Variants in IRGQ observed in about 807,000 individuals in gnomAD.
IRGQ encodes immunity-related GTPase family Q protein.
In IRGQ, 5 loss-of-function variants were observed where a neutral mutation model predicts 10.5. The ratio of observed to expected loss-of-function variants is 0.48; its 90% confidence interval spans 0.25 to 1.00. IRGQ has a LOEUF of 1.00. IRGQ is among the 50% of genes least tolerant of loss of function. IRGQ has a pLI of 0.16. For synonymous variants in IRGQ, 418 were observed against 426.0 expected (o/e 0.98, Z 0.23); for missense variants, 792 against 877.7 (o/e 0.90, Z 1.23).
chr19:43,594,686 T>A (rs535106709), intron 2 of IRGQ, 123 bp downstream of exon 2: 377 of 636,074 alleles, frequency 5.9e-4, no homozygotes, highest in East Asian at 3.3e-3. Flanking sequence ...AAAAAAAAAA[T>A]AATAATAATA....
At position 43,593,151 on chromosome 19, in the gene IRGQ, G is replaced by A; in HGVS notation, c.747C>T (p.Asp249=). The change falls in exon 3 of 3, where the codon GAC becomes GAT. Residue 249 remains aspartate, a synonymous_variant. Transcript: ENST00000422989. The surrounding 1 kb of genome is among the most constrained non-coding windows in gnomAD (Gnocchi z 6.4). ...GGACCGAAGCAGGCGCAGCGCCTGG[G>A]TCGCCAGGATCCAATCCAAGCAGCA... is the stretch of plus-strand genomic sequence containing the variant. ...VDMLLGLDPG[D]PGAAPASVPT... 2 of 1,557,250 alleles carry A rather than the reference G, an allele frequency of 1.3e-6. No homozygotes were observed. The highest frequency in any genetic ancestry group is 1.7e-6 in the Non-Finnish European group (2 of 1,148,866).
In IRGQ at chr19:43,585,888, C is replaced by T. The variant is rs1174278178; in HGVS notation, c.*6138G>A. The T allele has an allele frequency of 6.6e-6, 1 of 152,180 alleles. No individual in the cohort carries two copies. The highest frequency in any genetic ancestry group is 1.9e-4 in the East Asian group (1 of 5,192). 9.4% of individuals were successfully genotyped at this position (152,180 alleles called of 1,614,324 possible). On this transcript the variant is annotated 3_prime_UTR_variant, in exon 3 of 3. Transcript: ENST00000422989. ...TCTAGGTTTCCAGCCCAGTCAAAAT[C>T]TCAAGGATCTTTCTTTTCCCTCAAA...
rs758940499 is a variant in IRGQ, at chr19:43,593,011, T to C, written c.887A>G (p.His296Arg). Residue 296 changes from histidine to arginine, a missense_variant, in exon 3 of 3, where the codon CAC becomes CGC. Coordinates refer to ENST00000422989, the MANE Select transcript of IRGQ (RefSeq NM_001007561.3). This position sits in a 1 kb window ranked among gnomAD's most constrained non-coding sequence, Gnocchi z 6.4. ...TTAAAASHPTHYDALILVTPG... is the reference protein window; with the variant it reads ...TTAAAASHPTRYDALILVTPG... ...GGTGACGAGGATGAGGGCGTCGTAG[T>C]GCGTTGGGTGAGAGGCGGCGGCCGC... 5.0e-6 allele frequency: 8 copies of C among 1,606,598 alleles called. No homozygotes were observed. Among genetic ancestry groups the C allele is most frequent in the Non-Finnish European group, 6.8e-6 (8 of 1,177,110 alleles).
At position 43,592,940 on chromosome 19, in the gene IRGQ, G is replaced by A; in HGVS notation, c.958C>T (p.Leu320=). Residue 320 remains leucine (L), a synonymous_variant, in exon 3 of 3, where the codon CTG becomes TTG. Coordinates refer to ENST00000422989, the MANE Select transcript of IRGQ (RefSeq NM_001007561.3). ...CAGACAAGAGGCGCATCTGGTAGCA[G>A]CAAGGCCTGGACCTGGGCCCAGTCC... ...EKDWAQVQAL[L]LPDAPLVCVR... 6.2e-7 allele frequency: 1 copy of A among 1,610,724 alleles called. No individual in the cohort carries two copies. The highest frequency in any genetic ancestry group is 2.2e-5 in the East Asian group (1 of 44,858).
At chr19:43,594,767 A>G (rs1469897940) in intron 2 of IRGQ, 42 bp downstream of exon 2, 1 of 1,548,960 alleles carries the variant, frequency 6.5e-7, no homozygotes, top group East Asian at 2.3e-5. Flanking sequence ...CTAGGTGCCT[A>G]GGGTCTCGAC....
In IRGQ at chr19:43,593,254, G is replaced by A. The variant is rs757529047; in HGVS notation, c.644C>T (p.Ser215Leu). 3.1e-6 allele frequency: 5 copies of A among 1,599,826 alleles called. No individual in the cohort carries two copies. Among genetic ancestry groups the A allele is most frequent in the Non-Finnish European group, 3.4e-6 (4 of 1,172,490 alleles). The part of the protein sequence containing the change: ...GLEAALSWVR[S>L]GLERLGSARL... ...TGCGCTGCCCAGGCGCTCCAGGCCTGAGCGCACCCACGACAGCGCAGCCTC... is the reference window on the plus strand; with the variant it reads ...TGCGCTGCCCAGGCGCTCCAGGCCTAAGCGCACCCACGACAGCGCAGCCTC... Residue 215 changes from serine to leucine, a missense_variant, in exon 3 of 3, where the codon TCA becomes TTA. Coordinates refer to ENST00000422989, the MANE Select transcript of IRGQ (RefSeq NM_001007561.3). This position sits in a 1 kb window ranked among gnomAD's most constrained non-coding sequence, Gnocchi z 6.4.
chr19:43,590,759 GAC>G lies in IRGQ; in HGVS notation c.*1265_*1266del, dbSNP rs1973045456. The stretch of plus-strand genomic sequence containing the variant: ...AAGATAGAAACTCCTAAAGAAAAGA[GAC>G]AGAGAAACAGACTCCCCAGAGATCA... On this transcript the variant is annotated 3_prime_UTR_variant, in exon 3 of 3. Coordinates refer to ENST00000422989, the MANE Select transcript of IRGQ (RefSeq NM_001007561.3). 1.3e-5 allele frequency: 2 copies of G among 152,348 alleles called. No homozygotes were observed. Among genetic ancestry groups the G allele is most frequent in the East Asian group, 3.9e-4 (2 of 5,178 alleles). The allele number at this position is 152,348 out of a possible 1,614,324, so 9.4% of individuals were successfully genotyped here.
Position 43,590,122 on chromosome 19 carries a change from G to C in IRGQ, c.*1904C>G, listed in dbSNP as rs1193100005. ...TAAACTACAAAAATTAGCCAGGTGT[G>C]GTGGCACATGCCTGTCATCTCAGCT... On this transcript the variant is annotated 3_prime_UTR_variant, in exon 3 of 3. Coordinates refer to ENST00000422989, the MANE Select transcript of IRGQ (RefSeq NM_001007561.3). 1 of 152,174 alleles carries C rather than the reference G, an allele frequency of 6.6e-6. No homozygotes were observed. Among genetic ancestry groups the C allele is most frequent in the African/African-American group, 2.4e-5 (1 of 41,410 alleles). 9.4% of individuals were successfully genotyped at this position (152,174 alleles called of 1,614,324 possible).
rs1973062150 is a variant in IRGQ, at chr19:43,592,037, GCTCAGGGGGTGCCAGCACAGC to G, written c.1840_1860del (p.Ala614_Glu620del). The G allele has an allele frequency of 1.2e-6, 2 of 1,601,702 alleles. No individual in the cohort carries two copies. Among genetic ancestry groups the G allele is most frequent in the Admixed American group, 1.7e-5 (1 of 59,366 alleles). On this transcript the variant is annotated inframe_deletion, in exon 3 of 3. Transcript: ENST00000422989. ...CCCCCTCCCACTCCTCACTGGGCAGGCTCAGGGGGTGCCAGCACAGCCTCAGCATCAGCCCGCATCTCATCG... is the reference window on the plus strand; with the variant it reads ...CCCCCTCCCACTCCTCACTGGGCAGGCTCAGCATCAGCCCGCATCTCATCG...
chr19:43,593,340 G>A lies in IRGQ; in HGVS notation c.558C>T (p.Phe186=), dbSNP rs759781908. ...RRLLPPAQDG[F]EVLGAAELEA... ...CTAGCTCTGCTGCACCCAACACCTC[G>A]AAGCCATCCTGCGCCGGTGGCAGGA... is the stretch of plus-strand genomic sequence containing the variant. The change falls in exon 3 of 3, where the codon TTC becomes TTT. Residue 186 remains phenylalanine, a synonymous_variant. Transcript: ENST00000422989. The surrounding 1 kb of genome is among the most constrained non-coding windows in gnomAD (Gnocchi z 6.4). 1 of 1,525,846 alleles carries A rather than the reference G, an allele frequency of 6.6e-7. No individual in the cohort carries two copies. Among genetic ancestry groups the A allele is most frequent in the Non-Finnish European group, 8.8e-7 (1 of 1,136,070 alleles). 94.5% of individuals were successfully genotyped at this position (1,525,846 alleles called of 1,614,324 possible). A position where few individuals can be genotyped will look rare whatever the true frequency, so the allele number is the denominator to read the frequency against.
Position 43,585,956 on chromosome 19 carries a change from A to G in IRGQ, c.*6070T>C, listed in dbSNP as rs1311433075. 1 of 152,098 alleles carries G rather than the reference A, an allele frequency of 6.6e-6. No homozygotes were observed. The highest frequency in any genetic ancestry group is 1.5e-5 in the Non-Finnish European group (1 of 68,020). The allele number at this position is 152,098 out of a possible 1,614,324, so 9.4% of individuals were successfully genotyped here. On this transcript the variant is annotated 3_prime_UTR_variant, in exon 3 of 3. Coordinates refer to ENST00000422989, the MANE Select transcript of IRGQ (RefSeq NM_001007561.3). ...CGCAATAGGATTTCTATTCATTTTT[A>G]TTCATTCCTCCAAAGAGCACCACAG...
At chr19:43,594,408 T>C (rs1217089435) in intron 2 of IRGQ, among the ~76,000 whole-genome samples, 2 of 152,126 alleles carry the variant, frequency 1.3e-5, no homozygotes, top group Admixed American at 1.3e-4. Context: ...TGAGATGCTG[T>C]TTTGCAGCCT....
rs757597704 is a variant in IRGQ at position 43,592,899 on chromosome 19, G to A, written c.999C>T (p.Gly333=). The change falls in exon 3 of 3, where the codon GGC becomes GGT. Residue 333 remains glycine, a synonymous_variant. Coordinates refer to ENST00000422989, the MANE Select transcript of IRGQ (RefSeq NM_001007561.3). The part of the protein sequence containing the change: ...DAPLVCVRTD[G]EGEDPECLGE... ...CCAGACACTCCGGATCCTCGCCCTC[G>A]CCGTCTGTGCGCACGCAGACAAGAG... 1.8e-5 allele frequency: 29 copies of A among 1,612,728 alleles called. No homozygotes were observed. The highest frequency in any genetic ancestry group is 1.6e-4 in the East Asian group (7 of 44,884).
rs748112584 is a variant in IRGQ at position 43,592,265 on chromosome 19, C to G, written c.1633G>C (p.Ala545Pro). The change falls in exon 3 of 3, where the codon GCT (alanine) becomes CCT (proline). Residue 545 changes from alanine to proline, a missense_variant. By Grantham distance (27) the Ala-to-Pro change is conservative. Coordinates refer to ENST00000422989, the MANE Select transcript of IRGQ (RefSeq NM_001007561.3). ...GLASGELAAR[A>P]HFPGPVTRAE... ...CGCGTCACCGGGCCTGGGAAATGAG[C>G]GCGCGCTGCCAGCTCTCCAGAAGCC... The G allele has an allele frequency of 6.4e-7, 1 of 1,574,706 alleles. No homozygotes were observed. Among genetic ancestry groups the G allele is most frequent in the African/African-American group, 1.3e-5 (1 of 74,140 alleles).
Position 43,592,505 on chromosome 19 carries a change from C to A in IRGQ, c.1393G>T (p.Ala465Ser). ...AGALLLALPP[A>S]SPSAARTKAA... Reference sequence around the variant, plus strand: ...TTGGTTCGGGCAGCGCTGGGAGATGCTGGTGGCAACGCCAGCAGCAGTGCC... The same window carrying A: ...TTGGTTCGGGCAGCGCTGGGAGATGATGGTGGCAACGCCAGCAGCAGTGCC... Residue 465 changes from alanine (A) to serine (S), a missense_variant, in exon 3 of 3, where the codon GCA becomes TCA. Physicochemically the swap from Ala to Ser is moderately conservative, Grantham distance 99 (BLOSUM62 1). Transcript: ENST00000422989. 1 of 1,595,038 alleles carries A rather than the reference C, an allele frequency of 6.3e-7. No homozygotes were observed.
chr19:43,591,884 G>A lies in IRGQ; in HGVS notation c.*142C>T. On this transcript the variant is annotated 3_prime_UTR_variant, in exon 3 of 3. Transcript: ENST00000422989. Reference sequence around the variant, plus strand: ...AAAAAAAAAAAAAATCAGGATTCCTGTCCCCCAGACTCTCTGAATCCAGGT... The same window carrying A: ...AAAAAAAAAAAAAATCAGGATTCCTATCCCCCAGACTCTCTGAATCCAGGT... The A allele has an allele frequency of 1.6e-6, 1 of 627,188 alleles. No individual in the cohort carries two copies. Among genetic ancestry groups the A allele is most frequent in the Non-Finnish European group, 2.5e-6 (1 of 399,076 alleles). The allele number at this position is 627,188 out of a possible 1,614,324, so 38.9% of individuals were successfully genotyped here. A position where few individuals can be genotyped will look rare whatever the true frequency, so the allele number is the denominator to read the frequency against.
Position 43,592,845 on chromosome 19 carries a change from G to A in IRGQ, c.1053C>T (p.Gly351=), listed in dbSNP as rs1727116924. The change falls in exon 3 of 3, where the codon GGC becomes GGT. Residue 351 remains glycine, a synonymous_variant. Coordinates refer to ENST00000422989, the MANE Select transcript of IRGQ (RefSeq NM_001007561.3). ...LGEGKMENPK[G]ESLKNAGGGG... is the part of the protein sequence containing the mutation. ...CTCCACCTGCGTTCTTTAAGCTCTC[G>A]CCCTTGGGATTCTCCATCTTGCCTT... 2 of 1,613,926 alleles carry A rather than the reference G, an allele frequency of 1.2e-6. No homozygotes were observed. The highest frequency in any genetic ancestry group is 1.7e-5 in the Admixed American group (1 of 60,014).
rs370694283 is a variant in IRGQ, at chr19:43,594,892, C to G, written c.447G>C (p.Pro149=). Residue 149 remains proline (P), a synonymous_variant, in exon 2 of 3, where the codon CCG becomes CCC. Transcript: ENST00000422989. ...GLGAADLFVL[P]ANCGSSDGCE... is the part of the protein sequence containing the mutation. The stretch of plus-strand genomic sequence containing the variant: ...AGCCGTCGCTGCTGCCGCAGTTCGC[C>G]GGTAGCACAAACAGATCCGCAGCTC... 25 of 1,613,822 alleles carry G rather than the reference C, an allele frequency of 1.5e-5. No homozygotes were observed. Among genetic ancestry groups the G allele is most frequent in the Non-Finnish European group, 1.9e-5 (22 of 1,179,950 alleles).
rs1178265598 is a variant in IRGQ at position 43,589,264 on chromosome 19, G to A, written c.*2762C>T. 6.6e-6 allele frequency: 1 copy of A among 152,160 alleles called. No homozygotes were observed. Among genetic ancestry groups the A allele is most frequent in the Non-Finnish European group, 1.5e-5 (1 of 68,018 alleles). 9.4% of individuals were successfully genotyped at this position (152,160 alleles called of 1,614,324 possible). ...GCTCCATTTTCCTATCTTGTGGCAA[G>A]AGATTAACAATCTAAATTCCAATCC... On this transcript the variant is annotated 3_prime_UTR_variant, in exon 3 of 3. Transcript: ENST00000422989.
Sources: allele counts gnomAD v4.1 joint callset (sites outside exome capture counted in the v4.1 genomes callset), GRCh38; gene constraint gnomAD v4.1.1; non-coding constraint Gnocchi (gnomAD v3.1); transcripts MANE v1.5; gene names NCBI Gene and HGNC (gene_info 2026-07-23, HGNC 2026-07-21).